The following PDE10A variants were observed in gnomAD, a reference collection of about 807,000 sequenced individuals.
PDE10A encodes cAMP and cAMP-inhibited cGMP 3',5'-cyclic phosphodiesterase 10A.
PDE10A carries 39 observed loss-of-function variants against 97.7 expected under a neutral mutation model. The observed-to-expected ratio is 0.40, with a 90% CI of 0.31 to 0.52. The LOEUF is 0.52. PDE10A is among the 20% of genes least tolerant of loss of function. PDE10A has a pLI of 0.56. For synonymous variants in PDE10A, 371 were observed against 376.8 expected, an observed-to-expected ratio of 0.98 and a Z score of 0.18; for missense variants, 731 against 1,047.8, an observed-to-expected ratio of 0.70 and a Z score of 4.17.
chr6:165,648,239 C>T (rs1332838227), intron 1 of PDE10A, among the ~76,000 whole-genome samples: 2 of 152,038 alleles, frequency 1.3e-5, no homozygotes, highest in Admixed American at 6.6e-5. Flanking sequence ...GTCTCGATCT[C>T]CTGACCTCGT....
At chr6:165,550,286 A>T (rs992875033) in intron 1 of PDE10A, among the ~76,000 whole-genome samples, 17 of 152,354 alleles carry the variant, frequency 1.1e-4, no homozygotes, top group African/African-American at 3.8e-4. Context: ...CCTTTAAAAA[A>T]ATTCTAAGGT....
chr6:165,516,869 T>G (rs1050232064), intron 2 of PDE10A, among the ~76,000 whole-genome samples: 1 of 152,180 alleles, frequency 6.6e-6, no homozygotes, highest in Non-Finnish European at 1.5e-5. Context: ...TTTTAGACAA[T>G]GTATCCTTGA....
intron 3 of PDE10A, among the ~76,000 whole-genome samples, chr6:165,455,997 G>T (rs1298500442): frequency 6.6e-6 from 1 of 152,146 alleles, no homozygotes; most frequent in Non-Finnish European, 1.5e-5. Flanking sequence ...AAATATGACA[G>T]CATTGTTTGA....
intron 1 of PDE10A, among the ~76,000 whole-genome samples, chr6:165,764,817 G>A (rs561061613): frequency 2.6e-5 from 4 of 152,180 alleles, no homozygotes; most frequent in African/African-American, 9.7e-5. Flanking sequence ...GAGTGTCGAA[G>A]GGGACCCGAG....
intron 1 of PDE10A, among the ~76,000 whole-genome samples, chr6:165,580,898 G>A (rs754823984): frequency 1.1e-4 from 16 of 150,968 alleles, no homozygotes; most frequent in South Asian, 4.2e-4. Context: ...TCTCCTACCC[G>A]ATGAGAAAGA....
At chr6:165,704,395 G>C (rs1791657258) in intron 1 of PDE10A, among the ~76,000 whole-genome samples, 1 of 152,206 alleles carries the variant, frequency 6.6e-6, no homozygotes, top group Non-Finnish European at 1.5e-5. Flanking sequence ...ACTCAGCTGA[G>C]ATAACATCAG....
intron 1 of PDE10A, chr6:165,948,877 G>A (rs1783864526): frequency 6.6e-6 from 1 of 152,374 alleles, no homozygotes; most frequent in Non-Finnish European, 1.5e-5. Flanking sequence ...CCCAGTGAGA[G>A]AAGCTGTGCC....
intron 18 of PDE10A, among the ~76,000 whole-genome samples, chr6:165,357,168 G>A (rs1783080769): frequency 6.6e-6 from 1 of 152,080 alleles, no homozygotes; most frequent in South Asian, 2.1e-4. Context: ...TCATTCTGTT[G>A]TGGTGAATTT....
chr6:165,957,780 T>A (rs962275833), intron 1 of PDE10A, among the ~76,000 whole-genome samples: 3 of 152,292 alleles, frequency 2.0e-5, no homozygotes, highest in Admixed American at 2.0e-4. Flanking sequence ...GAGGCAGAAA[T>A]GTTCAGACAT....
intron 1 of PDE10A, among the ~76,000 whole-genome samples, chr6:165,975,105 A>T (rs1210391110): frequency 6.6e-6 from 1 of 151,814 alleles, no homozygotes; most frequent in Admixed American, 6.6e-5. Flanking sequence ...CTTTCTGTAC[A>T]CTCCTCTGCT....
chr6:165,413,730 G>T, intron 12 of PDE10A, 43 bp from the exon 13 acceptor site: 1 of 1,482,546 alleles, frequency 6.7e-7, no homozygotes, highest in Non-Finnish European at 9.3e-7. Flanking sequence ...CAACAAAAGG[G>T]CAGAAGAAAT....
At chr6:165,576,491 T>C (rs369859818) in intron 1 of PDE10A, 2 of 779,592 alleles carry the variant, frequency 2.6e-6, no homozygotes, top group Non-Finnish European at 4.8e-6. Context: ...CCCCATCTCT[T>C]CAACTGTAAC....
intron 1 of PDE10A, among the ~76,000 whole-genome samples, chr6:165,803,197 A>T (rs1779027750): frequency 6.6e-6 from 1 of 152,194 alleles, no homozygotes; most frequent in Admixed American, 6.5e-5. Context: ...CTGAATATAA[A>T]CTTGTACCCT....
At chr6:165,814,701 A>G (rs574706285) in intron 1 of PDE10A, among the ~76,000 whole-genome samples, 241 of 152,316 alleles carry the variant, frequency 1.6e-3, no homozygotes, top group Middle Eastern at 0.014. Flanking sequence ...TTCTATAATC[A>G]AAGGAAGAAA....
chr6:165,591,290 G>A (rs963242610), intron 1 of PDE10A, among the ~76,000 whole-genome samples: 1 of 152,166 alleles, frequency 6.6e-6, no homozygotes, highest in Non-Finnish European at 1.5e-5. Context: ...TGGATTTTAA[G>A]AATTTTCTCT....
At chr6:165,369,509 C>T (rs1348399434) in intron 18 of PDE10A, among the ~76,000 whole-genome samples, 16 of 113,770 alleles carry the variant, frequency 1.4e-4, no homozygotes, top group African/African-American at 5.5e-4. Context: ...TGAAATGAAG[C>T]GAGAAGGAAG....
At chr6:165,404,507 T>C (rs1000214044) in intron 13 of PDE10A, among the ~76,000 whole-genome samples, 1 of 152,014 alleles carries the variant, frequency 6.6e-6, no homozygotes, top group African/African-American at 2.4e-5. Flanking sequence ...TCCTAACATA[T>C]TGCAGGAATT....
At chr6:165,941,907 T>C (rs890582329) in intron 1 of PDE10A, among the ~76,000 whole-genome samples, 1 of 152,116 alleles carries the variant, frequency 6.6e-6, no homozygotes, top group African/African-American at 2.4e-5. Context: ...CACCTTTCTT[T>C]AAGAGCAGTC....
At chr6:165,515,527 T>C (rs1428457349) in intron 2 of PDE10A, among the ~76,000 whole-genome samples, 1 of 147,240 alleles carries the variant, frequency 6.8e-6, no homozygotes, top group Admixed American at 6.7e-5. Flanking sequence ...TTTGTTCTTT[T>C]TTTTTTTTTT....
Sources: allele counts gnomAD v4.1 joint callset (sites outside exome capture counted in the v4.1 genomes callset), GRCh38; gene constraint gnomAD v4.1.1; transcripts MANE v1.5; gene names NCBI Gene and HGNC (gene_info 2026-07-23, HGNC 2026-07-21).